LNX1: variants seen among roughly 807,000 people sequenced by gnomAD.
The protein encoded by LNX1 is ligand of numb-protein X 1.
Under a neutral mutation model 68.4 loss-of-function variants are expected in LNX1, and 54 were observed. The ratio of observed to expected loss-of-function variants is 0.79; its 90% CI spans 0.63 to 0.99. The LOEUF is 0.99. LNX1 is among the 50% of genes least tolerant of loss of function. The probability of loss-of-function intolerance (pLI) is 0.00; values close to 1 mark genes in which losing one functional copy is unlikely to be tolerated. For synonymous variants in LNX1, 336 were observed against 350.0 expected (o/e 0.96, Z 0.45); for missense variants, 906 against 926.4 (o/e 0.98, Z 0.29).
In LNX1 at chr4:53,460,744, T is replaced by C; in HGVS notation, c.*163A>G. ...AGTAGTTTTAATTTTTTTGGAATCA[T>C]ATTTTCTGAGGTGTAACTGGCTTTC... On this transcript the variant is annotated 3_prime_UTR_variant, in exon 11 of 11. Transcript: ENST00000263925. 1.5e-6 allele frequency: 1 copy of C among 669,250 alleles called. No individual in the cohort carries two copies. The highest frequency in any genetic ancestry group is 2.3e-5 in the South Asian group (1 of 44,326). 41.5% of individuals were successfully genotyped at this position (669,250 alleles called of 1,614,324 possible).
At chr4:53,629,404 C>T (rs1734188728) in intron 1 of LNX1, among the ~76,000 whole-genome samples, 1 of 152,128 alleles carries the variant, frequency 6.6e-6, no homozygotes, top group Non-Finnish European at 1.5e-5. Flanking sequence ...ACTTGCAGTG[C>T]TAAGAGCTCA....
chr4:53,594,689 C>G (rs55731250), upstream of LNX1, among the ~76,000 whole-genome samples: 7,306 of 151,950 alleles, frequency 0.048, 264 homozygotes, highest in Middle Eastern at 0.1. Context: ...CTTTTACTTT[C>G]TTACTTTCTT....
intron 2 of LNX1, among the ~76,000 whole-genome samples, chr4:53,531,846 T>G (rs1387147069): frequency 6.6e-6 from 1 of 152,214 alleles, no homozygotes; most frequent in African/African-American, 2.4e-5. Context: ...TCGGGTGTTG[T>G]TGCTCTTTGT....
chr4:53,518,777 TGGTGGCTGATTATTTG>T (rs1577648604), intron 2 of LNX1, among the ~76,000 whole-genome samples: 1 of 142,400 alleles, frequency 7.0e-6, no homozygotes, highest in East Asian at 2.2e-4. Context: ...CCATGCACCC[TGGTGGCTGATTATTTG>T]GGGGGCAACT....
chr4:53,571,130 A>G (rs1731138907), intron 2 of LNX1, among the ~76,000 whole-genome samples: 1 of 151,072 alleles, frequency 6.6e-6, no homozygotes, highest in Admixed American at 6.6e-5. Context: ...AGTGATTCTC[A>G]TGCCTCAGCC....
intron 1 of LNX1, among the ~76,000 whole-genome samples, chr4:53,636,591 A>G (rs1347572670): frequency 6.6e-6 from 1 of 152,202 alleles, no homozygotes; most frequent in African/African-American, 2.4e-5. Flanking sequence ...AAACAGTTAT[A>G]CAAAATGACC....
intron 1 of LNX1, among the ~76,000 whole-genome samples, chr4:53,581,322 A>G (rs1414218939): frequency 1.3e-5 from 2 of 152,220 alleles, no homozygotes; most frequent in Non-Finnish European, 2.9e-5. Context: ...AACTTAAAAC[A>G]TCAATTTAAG....
chr4:53,585,202 G>T (rs1209956121), intron 1 of LNX1, among the ~76,000 whole-genome samples: 1 of 152,122 alleles, frequency 6.6e-6, no homozygotes, highest in Non-Finnish European at 1.5e-5. Context: ...TTACTGTTTT[G>T]TCTTATTAGA....
chr4:53,538,021 C>G (rs1157324834), intron 2 of LNX1, among the ~76,000 whole-genome samples: 3 of 152,268 alleles, frequency 2.0e-5, no homozygotes, highest in Non-Finnish European at 1.5e-5. Flanking sequence ...TTCTGAATAC[C>G]AAAGATTAGG....
At chr4:53,649,610 T>C (rs1344247786) in intron 1 of LNX1, among the ~76,000 whole-genome samples, 1 of 152,234 alleles carries the variant, frequency 6.6e-6, no homozygotes, top group East Asian at 1.9e-4. Context: ...TGATATTCTC[T>C]ATCAGTTACA....
intron 2 of LNX1, among the ~76,000 whole-genome samples, chr4:53,571,480 G>C (rs767282218): frequency 2.6e-5 from 4 of 152,044 alleles, no homozygotes; most frequent in Non-Finnish European, 2.9e-5. Context: ...ATGCTATGCG[G>C]CTGGCTCTGA....
At chr4:53,581,254 T>C (rs190460008) in intron 1 of LNX1, among the ~76,000 whole-genome samples, 13 of 152,336 alleles carry the variant, frequency 8.5e-5, no homozygotes, top group Admixed American at 2.6e-4. Context: ...TGGCTAATTT[T>C]TTTCAGATCA....
intron 1 of LNX1, among the ~76,000 whole-genome samples, chr4:53,624,436 A>G (rs1368652173): frequency 6.6e-6 from 1 of 152,194 alleles, no homozygotes; most frequent in Non-Finnish European, 1.5e-5. Flanking sequence ...GCCACCATGT[A>G]AGACATGTCT....
At chr4:53,617,286 C>T (rs1482374762) in exon 1 of LNX1, 1 of 152,124 alleles carries the variant, frequency 6.6e-6, no homozygotes, top group Non-Finnish European at 1.5e-5. Flanking sequence ...TTCAAATCTC[C>T]TTTTCTTCTT....
intron 2 of LNX1, among the ~76,000 whole-genome samples, chr4:53,539,932 T>C (rs1234754784): frequency 6.6e-6 from 1 of 152,240 alleles, no homozygotes; most frequent in Non-Finnish European, 1.5e-5. Context: ...GGGGCATCCA[T>C]GGCAAAGGTT....
chr4:53,496,859 T>C lies in LNX1; in HGVS notation c.979-465A>G, dbSNP rs149346825. Among the ~76,000 whole-genome samples, 7 of 152,360 alleles carry C rather than the reference T, an allele frequency of 4.6e-5. No homozygotes were observed. The East Asian group carries it at 1.3e-3, about 29-fold the overall frequency. On this transcript the variant is annotated intron_variant, in intron 5 of 10. Coordinates refer to ENST00000263925, the MANE Select transcript of LNX1 (RefSeq NM_001126328.3). The stretch of plus-strand genomic sequence containing the variant: ...GAATTTTTCTCCCTGGGTCAACTCA[T>C]ACCAGAACTTCCAGTCCTCACCACT...
At chr4:53,567,037 T>A (rs1489273753) in intron 2 of LNX1, among the ~76,000 whole-genome samples, 8 of 149,724 alleles carry the variant, frequency 5.3e-5, no homozygotes, top group Admixed American at 1.3e-4. Context: ...CTCCCACACA[T>A]TAATAATGGG....
chr4:53,496,216 T>C lies in LNX1; in HGVS notation c.1157A>G (p.Lys386Arg). ...RDDSFHVILN[K>R]SSPEEQLGIK... The stretch of plus-strand genomic sequence containing the variant: ...TCCAAGCTGCTCCTCGGGGCTACTT[T>C]TGTTGAGAATCACATGAAAGCTGTC... The change falls in exon 6 of 11, where the codon AAA becomes AGA. Residue 386 changes from lysine (K) to arginine (R), a missense_variant. Coordinates refer to ENST00000263925, the MANE Select transcript of LNX1 (RefSeq NM_001126328.3). 6.2e-7 allele frequency: 1 copy of C among 1,614,114 alleles called. No homozygotes were observed. The highest frequency in any genetic ancestry group is 8.5e-7 in the Non-Finnish European group (1 of 1,180,012).
intron 9 of LNX1, among the ~76,000 whole-genome samples, chr4:53,462,495 C>CAGAT (rs1363110389): frequency 6.6e-6 from 1 of 152,054 alleles, no homozygotes; most frequent in African/African-American, 2.4e-5. Context: ...TGCCAAAAAT[C>CAGAT]AGATATGGCT....
Sources: gnomAD v4.1 joint callset for allele counts (sites outside exome capture counted in the v4.1 genomes callset) on GRCh38, gnomAD v4.1.1 for gene constraint, MANE v1.5 for transcripts, NCBI Gene and HGNC (gene_info 2026-07-23, HGNC 2026-07-21) for gene names.